BLM: variants seen among roughly 807,000 people sequenced by gnomAD.
The protein encoded by BLM is recQ-like DNA helicase BLM.
A neutral mutation model predicts 135.3 loss-of-function variants in BLM; 95 were observed. The observed-to-expected ratio is 0.70, with a 90% CI of 0.59 to 0.83. BLM has a LOEUF of 0.83. Among genes scored for constraint, BLM ranks in the 40% least tolerant of loss-of-function variants. BLM has a pLI of 0.00. For synonymous variants in BLM, 520 were observed against 589.2 expected, an observed-to-expected ratio of 0.88 and a Z score of 1.70; for missense variants, 1,518 against 1,663.9, an observed-to-expected ratio of 0.91 and a Z score of 1.53.
intron 1 of BLM, among the ~76,000 whole-genome samples, chr15:90,717,744 T>C (rs1894645098): frequency 6.6e-6 from 1 of 152,248 alleles, no homozygotes; most frequent in Admixed American, 6.5e-5. Context: ...CGTAACATGA[T>C]GCCCTGCACA....
At position 90,773,095 on chromosome 15, in the gene BLM, CAAAA is replaced by C. The variant is rs780966709; in HGVS notation, c.2555+3530_2555+3533del. Among the ~76,000 whole-genome samples the C allele has an allele frequency of 1.6e-4, 7 of 43,470 alleles. No individual in the cohort carries two copies. The South Asian group carries it at 6.0e-3, about 37-fold the overall frequency. The allele number at this position is 43,470 out of a possible 152,430, so 28.5% of individuals were successfully genotyped here. On this transcript the variant is annotated intron_variant, in intron 12 of 21. Transcript: ENST00000355112. ...CTGGGCAACAAGAGCGAGACTGTCT[CAAAA>C]AAAAAAAAAAAAAAAAAAAAGATAA...
At chr15:90,745,630 C>G (rs1895479911) in intron 1 of BLM, among the ~76,000 whole-genome samples, 1 of 152,096 alleles carries the variant, frequency 6.6e-6, no homozygotes, top group South Asian at 2.1e-4. Flanking sequence ...AGCCTGGTCT[C>G]AAACTCCTGG....
intron 1 of BLM, among the ~76,000 whole-genome samples, chr15:90,720,828 A>C (rs1472185049): frequency 1.3e-5 from 2 of 152,106 alleles, no homozygotes; most frequent in Non-Finnish European, 2.9e-5. Flanking sequence ...TCGTAGGCTC[A>C]AGCAGTTTGC....
chr15:90,783,964 A>G (rs1896678920), intron 13 of BLM, among the ~76,000 whole-genome samples: 1 of 152,064 alleles, frequency 6.6e-6, no homozygotes, highest in Admixed American at 6.6e-5. Context: ...GAGCAAAATC[A>G]CTGTTATGTT....
At chr15:90,731,328 T>A (rs1471273518) in intron 1 of BLM, among the ~76,000 whole-genome samples, 2 of 152,190 alleles carry the variant, frequency 1.3e-5, no homozygotes, top group South Asian at 2.1e-4. Context: ...AGAATTAGCC[T>A]GGAGTTTTTC....
In BLM at chr15:90,769,154, A is replaced by G. The variant is rs764097842; in HGVS notation, c.2329A>G (p.Ile777Val). The G allele has an allele frequency of 6.2e-7, 1 of 1,613,136 alleles. No homozygotes were observed. The highest frequency in any genetic ancestry group is 8.5e-7 in the Non-Finnish European group (1 of 1,179,056). Residue 777 changes from isoleucine to valine, a missense_variant, in exon 11 of 22, where the codon ATT becomes GTT. Transcript: ENST00000355112. ...CTAGATCTGTGCAAGTAACAGACTC[A>G]TTTCTACTCTGGAGAATCTCTATGA... ...PEKICASNRL[I>V]STLENLYERK...
intron 10 of BLM, among the ~76,000 whole-genome samples, chr15:90,767,525 C>T (rs752014395): frequency 3.3e-5 from 5 of 152,270 alleles, no homozygotes; most frequent in Non-Finnish European, 7.4e-5. Context: ...CAGTCGTTTT[C>T]GGAATTGTCC....
At chr15:90,733,900 T>C (rs1895131813) in intron 1 of BLM, among the ~76,000 whole-genome samples, 1 of 152,254 alleles carries the variant, frequency 6.6e-6, no homozygotes, top group Non-Finnish European at 1.5e-5. Context: ...TGTATTCTTT[T>C]GTATCTCACT....
At position 90,749,532 on chromosome 15, in the gene BLM, C is replaced by T. The variant is rs757984551; in HGVS notation, c.264C>T (p.Asp88=). Residue 88 remains aspartate, a synonymous_variant, in exon 3 of 22, where the codon GAC becomes GAT. Coordinates refer to ENST00000355112, the MANE Select transcript of BLM (RefSeq NM_000057.4). ...PNTTNQQRVK[D]FFKNAPAGQE... The stretch of plus-strand genomic sequence containing the variant: ...CCACAAATCAGCAAAGGGTCAAGGA[C>T]TTCTTTAAAAATGCTCCAGCAGGAC... 3 of 1,614,140 alleles carry T rather than the reference C, an allele frequency of 1.9e-6. No homozygotes were observed. The highest frequency in any genetic ancestry group is 2.5e-6 in the Non-Finnish European group (3 of 1,180,036).
At chr15:90,782,387 C>G (rs1896637162) in intron 12 of BLM, among the ~76,000 whole-genome samples, 1 of 148,628 alleles carries the variant, frequency 6.7e-6, no homozygotes, top group Non-Finnish European at 1.5e-5. Flanking sequence ...GACTCTGTCT[C>G]AAAAAAAAAC....
chr15:90,767,156 G>A (rs760722351), intron 10 of BLM, 133 bp downstream of exon 10: 6 of 581,330 alleles, frequency 1.0e-5, no homozygotes, highest in Non-Finnish European at 1.8e-5. Context: ...ACCCCAAATG[G>A]TAACATTTTA....
chr15:90,802,499 A>T (rs931594938), intron 17 of BLM, among the ~76,000 whole-genome samples: 1 of 152,232 alleles, frequency 6.6e-6, no homozygotes, highest in African/African-American at 2.4e-5. Context: ...CCCCTTGAGC[A>T]TCTTATAGGG....
At chr15:90,776,924 A>G (rs866611812) in intron 12 of BLM, among the ~76,000 whole-genome samples, 10 of 152,216 alleles carry the variant, frequency 6.6e-5, no homozygotes, top group Admixed American at 3.3e-4. Flanking sequence ...AATGACCACC[A>G]TATAACCTAA....
At chr15:90,747,737 T>A in intron 2 of BLM, 1 of 427,336 alleles carries the variant, frequency 2.3e-6, no homozygotes, top group East Asian at 4.0e-5. Context: ...AGTAAATGAA[T>A]AATTGATCTT....
intron 21 of BLM, among the ~76,000 whole-genome samples, chr15:90,814,825 A>T (rs766150441): frequency 5.3e-5 from 8 of 152,106 alleles, no homozygotes; most frequent in Non-Finnish European, 5.9e-5. Context: ...GTGGGTGGAG[A>T]GAGGGGCGGT....
At chr15:90,767,820 C>T (rs1896176380) in intron 10 of BLM, among the ~76,000 whole-genome samples, 1 of 152,090 alleles carries the variant, frequency 6.6e-6, no homozygotes, top group African/African-American at 2.4e-5. Flanking sequence ...GAATTTTACC[C>T]ACAAGTTTTA....
chr15:90,771,301 A>G (rs930289115), intron 12 of BLM, among the ~76,000 whole-genome samples: 1 of 152,220 alleles, frequency 6.6e-6, no homozygotes, highest in Non-Finnish European at 1.5e-5. Context: ...AGCCTGGCCA[A>G]CGTGGCGATA....
At chr15:90,803,427 CA>C (rs1897209625) in intron 17 of BLM, 93 bp from the exon 18 acceptor site, 1 of 1,172,206 alleles carries the variant, frequency 8.5e-7, no homozygotes, top group Non-Finnish European at 1.3e-6. Flanking sequence ...TCCATCTGTC[CA>C]AACCTGTCCA....
intron 12 of BLM, 119 bp from the exon 13 acceptor site, chr15:90,782,703 A>G: frequency 2.7e-6 from 2 of 748,368 alleles, no homozygotes; most frequent in Non-Finnish European, 4.6e-6. Context: ...CGGAGGCTCC[A>G]ACTCCTAATA....
Sources: allele counts gnomAD v4.1 joint callset (sites outside exome capture counted in the v4.1 genomes callset), GRCh38; gene constraint gnomAD v4.1.1; transcripts MANE v1.5; gene names NCBI Gene and HGNC (gene_info 2026-07-23, HGNC 2026-07-21).